Variants in PLCB4 observed in about 807,000 individuals in gnomAD.
PLCB4 encodes 1-phosphatidylinositol 4,5-bisphosphate phosphodiesterase beta-4.
PLCB4 carries 77 observed loss-of-function variants against 178.8 expected under a neutral mutation model. That is an observed-to-expected ratio of 0.43 (90% CI 0.36 to 0.52). The LOEUF (loss-of-function observed/expected upper bound fraction) is 0.52. Among genes scored for constraint, PLCB4 ranks in the 20% least tolerant of loss-of-function variants. PLCB4 has a pLI of 0.00. For synonymous variants in PLCB4, 496 were observed against 490.8 expected (o/e 1.01, Z -0.14); for missense variants, 1,024 against 1,453.4 (o/e 0.70, Z 4.80).
At chr20:9,261,703 A>T (rs1323582421) in intron 3 of PLCB4, among the ~76,000 whole-genome samples, 1 of 152,218 alleles carries the variant, frequency 6.6e-6, no homozygotes, top group Non-Finnish European at 1.5e-5. Flanking sequence ...ACCTTGTCAT[A>T]ATCAATAGTG....
chr20:9,210,675 G>A (rs1402513850), intron 2 of PLCB4, among the ~76,000 whole-genome samples: 1 of 151,974 alleles, frequency 6.6e-6, no homozygotes, highest in Non-Finnish European at 1.5e-5. Context: ...ATTTTTTAAT[G>A]TTAATAACCG....
At chr20:9,249,850 T>C (rs2094161985) in intron 3 of PLCB4, among the ~76,000 whole-genome samples, 1 of 152,200 alleles carries the variant, frequency 6.6e-6, no homozygotes, top group African/African-American at 2.4e-5. Context: ...GGACCCTGTC[T>C]ATATTATATT....
At chr20:9,386,781 A>AT (rs1470242479) in intron 14 of PLCB4, among the ~76,000 whole-genome samples, 1 of 149,756 alleles carries the variant, frequency 6.7e-6, no homozygotes, top group East Asian at 2.0e-4. Flanking sequence ...TTAGCATTAG[A>AT]TATATCTCCT....
chr20:9,355,132 C>T (rs2034680045), intron 7 of PLCB4, among the ~76,000 whole-genome samples: 1 of 152,146 alleles, frequency 6.6e-6, no homozygotes, highest in South Asian at 2.1e-4. Context: ...AAGTGCTATC[C>T]GCATAGTTCT....
chr20:9,465,318 G>A lies in PLCB4; in HGVS notation c.3249-3253G>A, dbSNP rs551813418. Among the ~76,000 whole-genome samples, 113 of 152,248 alleles carry A rather than the reference G, an allele frequency of 7.4e-4. 2 individuals carry two copies. The highest frequency in any genetic ancestry group is 1.2e-4 in the Non-Finnish European group (8 of 68,032). On this transcript the variant is annotated intron_variant, in intron 35 of 39. Transcript: ENST00000378473. ...AAGAGCTATTTATGACAAACCCACA[G>A]CCAATGTCATACTGAATGGGCAAAA...
intron 2 of PLCB4, among the ~76,000 whole-genome samples, chr20:9,126,639 G>A (rs1425697097): frequency 2.6e-5 from 4 of 152,070 alleles, no homozygotes; most frequent in Admixed American, 6.6e-5. Flanking sequence ...CATTGCACAA[G>A]CTAACAAAGT....
chr20:9,223,907 G>T (rs1040651253), intron 3 of PLCB4, among the ~76,000 whole-genome samples: 1 of 152,198 alleles, frequency 6.6e-6, no homozygotes, highest in Non-Finnish European at 1.5e-5. Context: ...AGAGTGTACA[G>T]CATGGATAAG....
intron 19 of PLCB4, among the ~76,000 whole-genome samples, chr20:9,398,937 C>G (rs921526833): frequency 6.6e-6 from 1 of 152,096 alleles, no homozygotes; most frequent in African/African-American, 2.4e-5. Context: ...GACTTTTGTA[C>G]GTTACAGTAC....
At chr20:9,476,654 C>A in intron 38 of PLCB4, 63 bp from the exon 39 acceptor site, 1 of 1,115,820 alleles carries the variant, frequency 9.0e-7, no homozygotes. Flanking sequence ...CTTCAATATT[C>A]ATTTATTTTC....
At chr20:9,405,161 T>C (rs979723833) in intron 20 of PLCB4, among the ~76,000 whole-genome samples, 152 bp from the exon 21 acceptor site, 20 of 151,936 alleles carry the variant, frequency 1.3e-4, no homozygotes, top group African/African-American at 4.6e-4. Flanking sequence ...AGGCCATCCA[T>C]GGCTTTTTGT....
chr20:9,171,280 T>C (rs1188120922), intron 2 of PLCB4, among the ~76,000 whole-genome samples: 1 of 152,176 alleles, frequency 6.6e-6, no homozygotes, highest in Non-Finnish European at 1.5e-5. Context: ...CAAAGAAATA[T>C]GTAGTGATTT....
intron 32 of PLCB4, among the ~76,000 whole-genome samples, chr20:9,447,215 T>C (rs955391787): frequency 6.6e-6 from 1 of 152,204 alleles, no homozygotes; most frequent in African/African-American, 2.4e-5. Context: ...CCCTAAAATG[T>C]AGTGACTTAA....
At chr20:9,424,901 G>C (rs1206282595) in intron 28 of PLCB4, among the ~76,000 whole-genome samples, 1 of 152,104 alleles carries the variant, frequency 6.6e-6, no homozygotes, top group Non-Finnish European at 1.5e-5. Flanking sequence ...GTTTTTAGTA[G>C]TGCATGCTTC....
intron 2 of PLCB4, among the ~76,000 whole-genome samples, chr20:9,176,872 GA>G (rs557939216): frequency 6.6e-4 from 101 of 152,252 alleles, no homozygotes; most frequent in African/African-American, 2.2e-3. Flanking sequence ...TCTGACTTGG[GA>G]AAAGATAACT....
intron 32 of PLCB4, among the ~76,000 whole-genome samples, chr20:9,453,085 G>A (rs1470466594): frequency 6.6e-6 from 1 of 152,152 alleles, no homozygotes. Flanking sequence ...GAGATGATTG[G>A]CACTACCCAC....
intron 32 of PLCB4, among the ~76,000 whole-genome samples, chr20:9,452,527 C>G (rs1396879963): frequency 6.6e-6 from 1 of 152,130 alleles, no homozygotes; most frequent in East Asian, 1.9e-4. Flanking sequence ...CTGATTTCCT[C>G]TGTGCTTGGG....
At chr20:9,352,533 C>T (rs1363014838) in intron 7 of PLCB4, among the ~76,000 whole-genome samples, 1 of 152,148 alleles carries the variant, frequency 6.6e-6, no homozygotes, top group Non-Finnish European at 1.5e-5. Context: ...CACAGGTGTC[C>T]TCTTTTTTCT....
chr20:9,307,657 G>A (rs575830112), intron 3 of PLCB4, 143 bp from the exon 4 acceptor site: 2 of 513,034 alleles, frequency 3.9e-6, no homozygotes, highest in East Asian at 6.4e-5. Flanking sequence ...AGCAAGTTGG[G>A]GGTCAGACAA....
intron 36 of PLCB4, among the ~76,000 whole-genome samples, chr20:9,469,183 G>A (rs2044009936): frequency 6.6e-6 from 1 of 152,102 alleles, no homozygotes; most frequent in South Asian, 2.1e-4. Flanking sequence ...GTTTCACCAT[G>A]TTGGCCACAC....
Sources: allele counts gnomAD v4.1 joint callset (sites outside exome capture counted in the v4.1 genomes callset), GRCh38; gene constraint gnomAD v4.1.1; transcripts MANE v1.5; gene names NCBI Gene and HGNC (gene_info 2026-07-23, HGNC 2026-07-21).